Variants in KDM3A observed in about 807,000 individuals in gnomAD.
The protein encoded by KDM3A is lysine demethylase 3A, also known as lysine-specific demethylase 3A.
A neutral mutation model predicts 158.0 loss-of-function variants in KDM3A; 60 were observed. The ratio of observed to expected loss-of-function variants is 0.38; its 90% CI spans 0.31 to 0.47. The LOEUF is 0.47. Ranked by LOEUF, KDM3A falls within the 20% of genes least tolerant of loss-of-function variation. The pLI is 0.99. For missense variants in KDM3A, 1,319 were observed against 1,574.3 expected (o/e 0.84, Z 2.74); for synonymous variants, 608 against 549.3 (o/e 1.11, Z -1.49).
chr2:86,457,089 C>T lies in KDM3A; in HGVS notation c.843+18C>T, dbSNP rs937871969. ...GCTCTGAGGTAACCTTTATTTATGT[C>T]ACTTGTGTAAAGCTTTCCTTAACTC... On this transcript the variant is annotated intron_variant, in intron 8 of 25. Coordinates refer to ENST00000312912, the MANE Select transcript of KDM3A (RefSeq NM_018433.6). 2.9e-6 allele frequency: 4 copies of T among 1,364,560 alleles called. No homozygotes were observed. The African/African-American group carries it at 5.8e-5, about 20-fold the overall frequency. 84.5% of individuals were successfully genotyped at this position (1,364,560 alleles called of 1,614,324 possible).
rs1207692453 is a variant in KDM3A, at chr2:86,477,912, C to A, written c.1975C>A (p.Arg659=). The change falls in exon 13 of 26, where the codon CGA becomes AGA. Residue 659 remains arginine (R), a synonymous_variant. Transcript: ENST00000312912. ...TTGGAAGCGAGCTGTCAAAGGTGTTCGAGAAATGTGTGATGTGTGCGACAC... is the reference window on the plus strand; with the variant it reads ...TTGGAAGCGAGCTGTCAAAGGTGTTAGAGAAATGTGTGATGTGTGCGACAC... ...VAWKRAVKGV[R]EMCDVCDTTI... 2 of 1,613,180 alleles carry A rather than the reference C, an allele frequency of 1.2e-6. No individual in the cohort carries two copies.
chr2:86,474,794 T>C lies in KDM3A; in HGVS notation c.1743T>C (p.His581=), dbSNP rs1558623281. 5.7e-6 allele frequency: 9 copies of C among 1,571,680 alleles called. No individual in the cohort carries two copies. The highest frequency in any genetic ancestry group is 1.4e-5 in the African/African-American group (1 of 72,668). ...CCCCTAGGTTACAATTCAACAAACA[T>C]GGTGTGTTGCGGGTAGAAGGCTTCT... ...FHFRRLQFNK[H]GVLRVEGFLT... The change falls in exon 12 of 26, where the codon CAT becomes CAC. Residue 581 remains histidine, a synonymous_variant. Transcript: ENST00000312912.
At position 86,477,530 on chromosome 2, in the gene KDM3A, C is replaced by G. The variant is rs572161356; in HGVS notation, c.1940-347C>G. Among the ~76,000 whole-genome samples the G allele has an allele frequency of 4.6e-5, 7 of 152,246 alleles. No homozygotes were observed. In the East Asian group the frequency reaches 1.4e-3, roughly 29 times the overall value. On this transcript the variant is annotated intron_variant, in intron 12 of 25. Coordinates refer to ENST00000312912, the MANE Select transcript of KDM3A (RefSeq NM_018433.6). ...GGACTCATGACTCAGAGGTTAAGAACCACTGTTGTGTGATAACCTGTGTCT... is the reference window on the plus strand; with the variant it reads ...GGACTCATGACTCAGAGGTTAAGAAGCACTGTTGTGTGATAACCTGTGTCT...
chr2:86,484,593 G>A, intron 19 of KDM3A: 1 of 262,370 alleles, frequency 3.8e-6, no homozygotes. Context: ...CATGCAGTGG[G>A]CAAAAGGGAG....
At chr2:86,487,990 C>T (rs1255159086) in intron 21 of KDM3A, 1 of 121,108 alleles carries the variant, frequency 8.3e-6, no homozygotes, top group African/African-American at 2.7e-5. Flanking sequence ...CTTGCCAGCT[C>T]CATCCTCTTC....
chr2:86,453,101 A>G (rs1027871110), intron 4 of KDM3A, among the ~76,000 whole-genome samples: 1 of 152,312 alleles, frequency 6.6e-6, no homozygotes. Flanking sequence ...ATTAAGGTAG[A>G]ACCCTAGTTT....
chr2:86,444,171 AT>A, intron 2 of KDM3A, among the ~76,000 whole-genome samples: 1 of 152,280 alleles, frequency 6.6e-6, no homozygotes, highest in East Asian at 1.9e-4. Context: ...CATTTTCAGA[AT>A]GAGGAAATAG....
chr2:86,478,313 T>C, intron 14 of KDM3A, 48 bp downstream of exon 14: 1 of 1,343,452 alleles, frequency 7.4e-7, no homozygotes, highest in Middle Eastern at 1.8e-4. Flanking sequence ...CTTGGTTAAC[T>C]CATGGGAGCT....
chr2:86,448,578 C>G (rs1026631554), intron 2 of KDM3A, among the ~76,000 whole-genome samples: 2 of 152,094 alleles, frequency 1.3e-5, no homozygotes, highest in African/African-American at 4.8e-5. Context: ...GGGGACCTCT[C>G]TTGGGAGAGA....
chr2:86,452,846 A>G (rs1211163731), intron 4 of KDM3A, among the ~76,000 whole-genome samples: 1 of 152,180 alleles, frequency 6.6e-6, no homozygotes, highest in Non-Finnish European at 1.5e-5. Flanking sequence ...TCTGAACCTT[A>G]TTTTATAATG....
At chr2:86,437,433 G>C (rs531049979), upstream of KDM3A, among the ~76,000 whole-genome samples, 1 of 152,062 alleles carries the variant, frequency 6.6e-6, no homozygotes, top group Non-Finnish European at 1.5e-5. Flanking sequence ...AAGTCACTGC[G>C]CCCGGCTTAT....
At chr2:86,474,361 A>C (rs56228948) in intron 11 of KDM3A, among the ~76,000 whole-genome samples, 2,393 of 152,316 alleles carry the variant, frequency 0.016, 23 homozygotes, top group Non-Finnish European at 0.026. Context: ...TTGTTGATTT[A>C]AATAGTAATT....
chr2:86,441,970 C>G (rs1008537537), intron 1 of KDM3A, 48 bp from the exon 2 acceptor site: 19 of 1,517,040 alleles, frequency 1.3e-5, no homozygotes, highest in Admixed American at 3.4e-5. Flanking sequence ...CCGCCCGGCC[C>G]CCTCCCACCG....
At chr2:86,480,456 G>C (rs1039912314) in intron 16 of KDM3A, 94 bp downstream of exon 16, 10 of 1,096,454 alleles carry the variant, frequency 9.1e-6, no homozygotes, top group African/African-American at 1.6e-5. Context: ...GTGTGGAATG[G>C]AAAGTGCTTC....
chr2:86,491,075 T>G lies in KDM3A; in HGVS notation c.3750+18T>G. The G allele has an allele frequency of 6.2e-7, 1 of 1,613,000 alleles. No homozygotes were observed. ...CACATCAGGCAAGAATCATTACTTTTTCTTTAATCTCTTTATGTCATGAAC... is the reference window on the plus strand; with the variant it reads ...CACATCAGGCAAGAATCATTACTTTGTCTTTAATCTCTTTATGTCATGAAC... On this transcript the variant is annotated intron_variant, in intron 24 of 25. Coordinates refer to ENST00000312912, the MANE Select transcript of KDM3A (RefSeq NM_018433.6).
At chr2:86,491,979 C>T in intron 25 of KDM3A, 60 bp from the exon 26 acceptor site, 1 of 1,082,300 alleles carries the variant, frequency 9.2e-7, no homozygotes, top group Non-Finnish European at 1.4e-6. Context: ...GAAGCTTATT[C>T]TTAGTGACAG....
At chr2:86,480,006 T>A in intron 15 of KDM3A, 161 bp from the exon 16 acceptor site, 1 of 618,850 alleles carries the variant, frequency 1.6e-6, no homozygotes, top group Non-Finnish European at 2.9e-6. Flanking sequence ...TCTCTACTAG[T>A]GCGGGATTAC....
intron 15 of KDM3A, chr2:86,479,064 C>T (rs1673802294): frequency 1.2e-5 from 2 of 171,654 alleles, no homozygotes; most frequent in South Asian, 3.8e-4. Context: ...GTGTATTTTG[C>T]AGAATTAAAA....
At chr2:86,480,556 G>T (rs1394142801) in intron 16 of KDM3A, among the ~76,000 whole-genome samples, 194 bp downstream of exon 16, 1 of 152,158 alleles carries the variant, frequency 6.6e-6, no homozygotes, top group Non-Finnish European at 1.5e-5. Flanking sequence ...AAAATTTAGG[G>T]ACTTCCACCT....
Sources: allele counts gnomAD v4.1 joint callset (sites outside exome capture counted in the v4.1 genomes callset), GRCh38; gene constraint gnomAD v4.1.1; transcripts MANE v1.5; gene names NCBI Gene and HGNC (gene_info 2026-07-23, HGNC 2026-07-21).